EVPL: variants seen among roughly 807,000 people sequenced by gnomAD.
The protein encoded by EVPL is 210 kDa cornified envelope precursor protein.
In EVPL, 94 loss-of-function variants were observed where a neutral mutation model predicts 129.7. The observed-to-expected ratio is 0.72, with a 90% CI of 0.61 to 0.86. EVPL has a LOEUF of 0.86. Ranked by LOEUF, EVPL falls within the 40% of genes least tolerant of loss-of-function variation. The probability of loss-of-function intolerance (pLI) is 0.00; values close to 1 mark genes in which losing one functional copy is unlikely to be tolerated. For missense variants in EVPL, 2,625 were observed against 2,721.1 expected (o/e 0.96, Z 0.79); for synonymous variants, 1,172 against 1,191.1 (o/e 0.98, Z 0.33).
chr17:76,020,324 T>A (rs2066448926), intron 9 of EVPL, among the ~76,000 whole-genome samples: 1 of 152,128 alleles, frequency 6.6e-6, no homozygotes, highest in Non-Finnish European at 1.5e-5. Context: ...GAACTTAATT[T>A]TTTTAAGTGG....
chr17:76,012,227 C>A, intron 18 of EVPL, 138 bp from the exon 19 acceptor site: 1 of 603,860 alleles, frequency 1.7e-6, no homozygotes, highest in Non-Finnish European at 2.9e-6. Context: ...AGACCTGGGC[C>A]AAACTCCCTC....
rs2066443306 is a variant in EVPL at position 76,019,584 on chromosome 17, T to G, written c.1081A>C (p.Ser361Arg). The G allele has an allele frequency of 1.9e-6, 3 of 1,603,894 alleles. No individual in the cohort carries two copies. The African/African-American group carries it at 4.0e-5, about 22-fold the overall frequency. The change falls in exon 10 of 22, where the codon AGC (serine) becomes CGC (arginine). Residue 361 changes from serine to arginine, a missense_variant. Coordinates refer to ENST00000301607, the MANE Select transcript of EVPL (RefSeq NM_001988.4). ...KLNSNLDAKY[S>R]PAPGGPPGAP... is the part of the protein sequence containing the mutation. ...CCAGGGGGGCCCCCAGGTGCAGGGC[T>G]GTACTTGGCATCCAAGTTGGAGTTG...
Position 76,022,399 on chromosome 17 carries a change from C to A in EVPL, c.606+14G>T. ...GGGCTGGCCCCGGATGTGACATCCTCCAGGCTCACCTACCGGCCCCACGAG... is the reference window on the plus strand; with the variant it reads ...GGGCTGGCCCCGGATGTGACATCCTACAGGCTCACCTACCGGCCCCACGAG... On this transcript the variant is annotated intron_variant, in intron 5 of 21. Coordinates refer to ENST00000301607, the MANE Select transcript of EVPL (RefSeq NM_001988.4). This position sits in a 1 kb window ranked among gnomAD's most constrained non-coding sequence, Gnocchi z 5.6. The A allele has an allele frequency of 6.2e-7, 1 of 1,613,470 alleles. No individual in the cohort carries two copies. The highest frequency in any genetic ancestry group is 8.5e-7 in the Non-Finnish European group (1 of 1,179,878).
At chr17:76,021,834 G>C in intron 7 of EVPL, 33 bp downstream of exon 7, 1 of 1,564,818 alleles carries the variant, frequency 6.4e-7, no homozygotes, top group Non-Finnish European at 8.6e-7. Context: ...GGCCCTGGCC[G>C]CCCCCACCTG....
Position 76,008,663 on chromosome 17 carries a change from C to A in EVPL, c.4542G>T (p.Ser1514=). The A allele has an allele frequency of 6.2e-7, 1 of 1,612,638 alleles. No homozygotes were observed. The highest frequency in any genetic ancestry group is 1.6e-4 in the Middle Eastern group (1 of 6,062). Residue 1514 remains serine, a synonymous_variant, in exon 22 of 22, where the codon TCG becomes TCT. Transcript: ENST00000301607. This position sits in a 1 kb window ranked among gnomAD's most constrained non-coding sequence, Gnocchi z 7.4. The part of the protein sequence containing the change: ...VQIDVLQKAK[S]QEKTIYKEVI... ...CTTCCTTGTAGATGGTCTTCTCCTG[C>A]GATTTGGCTTTCTGGAGGACGTCAA...
intron 14 of EVPL, among the ~76,000 whole-genome samples, chr17:76,017,334 A>G (rs2066424674): frequency 6.6e-6 from 1 of 152,154 alleles, no homozygotes. Flanking sequence ...AGTTTACACA[A>G]TGCTGCAACC....
Position 76,021,986 on chromosome 17 carries a change from T to C in EVPL, c.688A>G (p.Thr230Ala), listed in dbSNP as rs771924343. 3 of 1,566,568 alleles carry C rather than the reference T, an allele frequency of 1.9e-6. No individual in the cohort carries two copies. The highest frequency in any genetic ancestry group is 1.7e-6 in the Non-Finnish European group (2 of 1,163,872). The part of the protein sequence containing the change: ...WRGQSLGSLY[T>A]HLQGCTRQLS... The stretch of plus-strand genomic sequence containing the variant: ...TGCCGCGTGCAGCCCTGGAGGTGCG[T>C]GTACAGGCTGCCCAGGCTCTGCCCG... The change falls in exon 7 of 22, where the codon ACG becomes GCG. Residue 230 changes from threonine to alanine, a missense_variant. Transcript: ENST00000301607.
intron 1 of EVPL, among the ~76,000 whole-genome samples, chr17:76,026,242 AT>A (rs61017516): frequency 0.43 from 56,055 of 130,062 alleles, 12,526 homozygotes; most frequent in East Asian, 0.9. Flanking sequence ...TTGCGCCAGG[AT>A]TTTTTTTTTT....
chr17:76,019,612 C>G lies in EVPL; in HGVS notation c.1053G>C (p.Lys351Asn), dbSNP rs1319457819. 1 of 1,609,462 alleles carries G rather than the reference C, an allele frequency of 6.2e-7. No individual in the cohort carries two copies. Among genetic ancestry groups the G allele is most frequent in the African/African-American group, 1.3e-5 (1 of 74,598 alleles). ...ACTTGGCATCCAAGTTGGAGTTGAG[C>G]TTCGCCAGGGTCTGGCTGACTGAGT... ...EADSVSQTLA[K>N]LNSNLDAKYS... The change falls in exon 10 of 22, where the codon AAG (lysine) becomes AAC (asparagine). Residue 351 changes from lysine (K) to asparagine (N), a missense_variant. Coordinates refer to ENST00000301607, the MANE Select transcript of EVPL (RefSeq NM_001988.4).
rs745489565 is a variant in EVPL, at chr17:76,010,051, G to C, written c.3154C>G (p.Arg1052Gly). 5 of 1,612,958 alleles carry C rather than the reference G, an allele frequency of 3.1e-6. No individual in the cohort carries two copies. In the South Asian group the frequency reaches 5.5e-5, roughly 18 times the overall value. Reference protein sequence around the residue: ...LRGEDAVISARLEGLKKELLA... With the variant: ...LRGEDAVISAGLEGLKKELLA... ...AGCTCCTTCTTCAGCCCTTCCAGCC[G>C]GGCCGAGATGACGGCATCCTCCCCG... The change falls in exon 22 of 22, where the codon CGG (arginine) becomes GGG (glycine). Residue 1052 changes from arginine (R) to glycine (G), a missense_variant. Physicochemically the swap from Arg to Gly is moderately radical, Grantham distance 125. Around this residue, in one of 4 missense-constraint regions of EVPL, gnomAD observed 1,453 missense variants for 1,511.8 expected, o/e 0.96. Coordinates refer to ENST00000301607, the MANE Select transcript of EVPL (RefSeq NM_001988.4).
chr17:76,012,075 C>T lies in EVPL; in HGVS notation c.2388G>A (p.Glu796=). The part of the protein sequence containing the change: ...KLQAQKRLTQ[E]IQSRERDRAT... ...CCCTGTCCCGCTCTCGGCTCTGGAT[C>T]TCCTGCGTCAGCCTCTGCCAGGGAA... Residue 796 remains glutamate, a synonymous_variant, in exon 19 of 22, where the codon GAG becomes GAA. Transcript: ENST00000301607. 2.5e-6 allele frequency: 4 copies of T among 1,610,880 alleles called. No individual in the cohort carries two copies. Among genetic ancestry groups the T allele is most frequent in the Admixed American group, 1.7e-5 (1 of 59,846 alleles).
At position 76,009,145 on chromosome 17, in the gene EVPL, G is replaced by C; in HGVS notation, c.4060C>G (p.Leu1354Val). 6.2e-7 allele frequency: 1 copy of C among 1,612,032 alleles called. No homozygotes were observed. Among genetic ancestry groups the C allele is most frequent in the Non-Finnish European group, 8.5e-7 (1 of 1,179,806 alleles). Residue 1354 changes from leucine (L) to valine (V), a missense_variant, in exon 22 of 22, where the codon CTG becomes GTG. Around this residue, in one of 4 missense-constraint regions of EVPL, gnomAD observed 1,453 missense variants for 1,511.8 expected, o/e 0.96. Transcript: ENST00000301607. This position sits in a 1 kb window ranked among gnomAD's most constrained non-coding sequence, Gnocchi z 5.9. ...RRAAEDAVYE[L>V]QSKRLLLERR... ...TCCAGCAGCAGGCGCTTGCTCTGCAGCTCGTACACCGCGTCCTCCGCGGCC... is the reference window on the plus strand; with the variant it reads ...TCCAGCAGCAGGCGCTTGCTCTGCACCTCGTACACCGCGTCCTCCGCGGCC...
intron 9 of EVPL, among the ~76,000 whole-genome samples, 187 bp downstream of exon 9, chr17:76,021,281 C>G (rs2066454959): frequency 6.6e-6 from 1 of 152,096 alleles, no homozygotes; most frequent in Non-Finnish European, 1.5e-5. Flanking sequence ...ATCTCGAACT[C>G]CTGACCTCAA....
Position 76,021,539 on chromosome 17 carries a change from C to G in EVPL, c.940G>C (p.Glu314Gln), listed in dbSNP as rs371255904. The G allele has an allele frequency of 2.1e-5, 34 of 1,608,692 alleles. No individual in the cohort carries two copies. The highest frequency in any genetic ancestry group is 2.9e-5 in the Non-Finnish European group (34 of 1,178,508). ...IQAHQEALKM[E>Q]WQNFLNLCIC... ...CACAGGTTCAGGAAGTTCTGCCACT[C>G]CATCTTCAGGGCCTCCTGGTGGGCC... is the stretch of plus-strand genomic sequence containing the variant. The change falls in exon 9 of 22, where the codon GAG becomes CAG. Residue 314 changes from glutamate to glutamine, a missense_variant. Around this residue, in one of 4 missense-constraint regions of EVPL, gnomAD observed 1,024 missense variants for 997.5 expected, o/e 1.03. Coordinates refer to ENST00000301607, the MANE Select transcript of EVPL (RefSeq NM_001988.4).
In EVPL at chr17:76,010,330, C is replaced by T. The variant is rs768704377; in HGVS notation, c.2875G>A (p.Val959Met). The T allele has an allele frequency of 2.6e-5, 42 of 1,613,826 alleles. No individual in the cohort carries two copies. In the Admixed American group the frequency reaches 7.0e-4, roughly 27 times the overall value. The part of the protein sequence containing the change: ...RPLERLEEKE[V>M]VEFYRDPQLE... ...TGGGGGTCCCGGTAGAACTCTACCA[C>T]TTCCTTCTCCTCCAGCCTCTCCAAG... Residue 959 changes from valine to methionine, a missense_variant, in exon 22 of 22, where the codon GTG becomes ATG. Around this residue, in one of 4 missense-constraint regions of EVPL, gnomAD observed 1,453 missense variants for 1,511.8 expected, o/e 0.96. Coordinates refer to ENST00000301607, the MANE Select transcript of EVPL (RefSeq NM_001988.4).
chr17:76,022,264 G>A lies in EVPL; in HGVS notation c.607-37C>T, dbSNP rs369830454. 25 of 1,611,754 alleles carry A rather than the reference G, an allele frequency of 1.6e-5. No individual in the cohort carries two copies. Among genetic ancestry groups the A allele is most frequent in the Non-Finnish European group, 2.0e-5 (23 of 1,179,412 alleles). ...AAGGGGAGAAACAAGCCCGTGAGAG[G>A]TGGGGTGCAGGGAGACGGCCCCCTA... is the stretch of plus-strand genomic sequence containing the variant. On this transcript the variant is annotated intron_variant, in intron 5 of 21. Transcript: ENST00000301607. This position sits in a 1 kb window ranked among gnomAD's most constrained non-coding sequence, Gnocchi z 5.6.
chr17:76,023,291 C>T lies in EVPL; in HGVS notation c.480+1G>A. 6.2e-7 allele frequency: 1 copy of T among 1,613,898 alleles called. No individual in the cohort carries two copies. Among genetic ancestry groups the T allele is most frequent in the Non-Finnish European group, 8.5e-7 (1 of 1,180,000 alleles). On this transcript the variant is annotated splice_donor_variant, in intron 4 of 21. Transcript: ENST00000301607. LOFTEE classifies it high-confidence loss of function. The stretch of plus-strand genomic sequence containing the variant: ...CTGGGGTGTGACTTTGAGTTCCTGA[C>T]CTGTTTCTGCTCCAGCACGCGTGCC...
rs553185608 is a variant in EVPL, at chr17:76,022,178, C to T, written c.645+11G>A. 1.9e-6 allele frequency: 3 copies of T among 1,612,634 alleles called. No individual in the cohort carries two copies. Among genetic ancestry groups the T allele is most frequent in the Admixed American group, 1.7e-5 (1 of 59,968 alleles). Reference sequence around the variant, plus strand: ...CCGCAGCCTCCCTGCCCGACCCTCCCTCCTGCTCACCAGTAGGTCTCGGTA... The same window carrying T: ...CCGCAGCCTCCCTGCCCGACCCTCCTTCCTGCTCACCAGTAGGTCTCGGTA... On this transcript the variant is annotated intron_variant, in intron 6 of 21. Coordinates refer to ENST00000301607, the MANE Select transcript of EVPL (RefSeq NM_001988.4). This position sits in a 1 kb window ranked among gnomAD's most constrained non-coding sequence, Gnocchi z 5.6.
chr17:76,006,863 C>A lies in EVPL; in HGVS notation c.*240G>T. On this transcript the variant is annotated 3_prime_UTR_variant, in exon 22 of 22. Coordinates refer to ENST00000301607, the MANE Select transcript of EVPL (RefSeq NM_001988.4). ...CCACATGGCACGGGGAGACAGAATT[C>A]GTTTATTGGGATCACTGGGTGGAGG... 1 of 395,770 alleles carries A rather than the reference C, an allele frequency of 2.5e-6. No homozygotes were observed. The highest frequency in any genetic ancestry group is 4.4e-6 in the Non-Finnish European group (1 of 226,096). The allele number at this position is 395,770 out of a possible 1,614,324, so 24.5% of individuals were successfully genotyped here.
Sources: allele counts gnomAD v4.1 joint callset (sites outside exome capture counted in the v4.1 genomes callset), GRCh38; gene constraint gnomAD v4.1.1; regional missense constraint gnomAD v4.1.1; non-coding constraint Gnocchi (gnomAD v3.1); transcripts MANE v1.5; gene names NCBI Gene and HGNC (gene_info 2026-07-23, HGNC 2026-07-21).